Variants in NBPF14 observed in about 807,000 individuals in gnomAD.
NBPF14 encodes NBPF family member NBPF14.
In NBPF14, 104 loss-of-function variants were observed where a neutral mutation model predicts 91.2. The observed-to-expected ratio is 1.14, with a 90% CI of 0.97 to 1.34. The LOEUF (loss-of-function observed/expected upper bound fraction) is 1.34. Among genes scored for constraint, NBPF14 ranks in the 40% most tolerant of loss-of-function variants. NBPF14 has a pLI of 0.00. For synonymous variants in NBPF14, 294 were observed against 303.8 expected, an observed-to-expected ratio of 0.97 and a Z score of 0.34; for missense variants, 908 against 783.0, an observed-to-expected ratio of 1.16 and a Z score of -1.91.
At chr1:148,557,133 C>A (rs1656740301) in intron 40 of NBPF14, among the ~76,000 whole-genome samples, 3 of 122,554 alleles carry the variant, frequency 2.4e-5, no homozygotes, top group South Asian at 3.0e-4. Flanking sequence ...AGGTGACACA[C>A]TGATGAGGGA....
At chr1:148,584,891 T>G (rs1661256748) in intron 10 of NBPF14, among the ~76,000 whole-genome samples, 1 of 139,424 alleles carries the variant, frequency 7.2e-6, no homozygotes, top group African/African-American at 2.6e-5. Context: ...CTGCTGTTCA[T>G]TGCACTGGAC....
intron 68 of NBPF14, among the ~76,000 whole-genome samples, chr1:148,535,107 C>A (rs1419496284): frequency 6.8e-6 from 1 of 146,170 alleles, no homozygotes; most frequent in African/African-American, 2.6e-5. Flanking sequence ...GGGTGACACA[C>A]TGATGAAGGG....
chr1:148,534,464 C>G (rs1320181400), intron 69 of NBPF14, among the ~76,000 whole-genome samples: 2 of 151,702 alleles, frequency 1.3e-5, no homozygotes, highest in Non-Finnish European at 2.9e-5. Context: ...CAGGGCGCCA[C>G]AGGTATGGCC....
chr1:148,590,081 C>T (rs1448058752), intron 6 of NBPF14, among the ~76,000 whole-genome samples: 2 of 124,312 alleles, frequency 1.6e-5, no homozygotes, highest in Non-Finnish European at 3.4e-5. Flanking sequence ...TGGAGTCTCG[C>T]TCTGTCTCCC....
At chr1:148,566,451 T>C (rs1483422683) in intron 28 of NBPF14, 136 bp from the exon 29 acceptor site, 1 of 601,246 alleles carries the variant, frequency 1.7e-6, no homozygotes, top group Non-Finnish European at 2.9e-6. Flanking sequence ...TAACAAATTG[T>C]TGCCTTCATG....
chr1:148,576,228 A>T (rs1478778429), intron 16 of NBPF14, among the ~76,000 whole-genome samples, 182 bp downstream of exon 16: 1 of 121,642 alleles, frequency 8.2e-6, no homozygotes, highest in East Asian at 2.5e-4. Flanking sequence ...AAGTGAGTAA[A>T]TGATAAGGGG....
At chr1:148,577,146 C>G in intron 15 of NBPF14, 37 bp downstream of exon 15, 1 of 612,824 alleles carries the variant, frequency 1.6e-6, no homozygotes, top group Non-Finnish European at 2.9e-6. Context: ...CCAGAAGACT[C>G]AGTGGATCCT....
chr1:148,577,453 A>G (rs878974719), intron 14 of NBPF14, 98 bp from the exon 15 acceptor site: 1 of 679,662 alleles, frequency 1.5e-6, no homozygotes, highest in South Asian at 1.7e-5. Context: ...GAGTTTGAAA[A>G]GAAAAAGGAC....
At chr1:148,533,840 T>G (rs1399920596) in intron 70 of NBPF14, 21 bp downstream of exon 70, 1 of 766,140 alleles carries the variant, frequency 1.3e-6, no homozygotes, top group Non-Finnish European at 2.4e-6. Context: ...GAACTAAGGA[T>G]CCACAATTGC....
At position 148,576,260 on chromosome 1, in the gene NBPF14, C is replaced by G. The variant is rs1169884231; in HGVS notation, c.2078+150G>C. The G allele has an allele frequency of 1.0e-4, 58 of 570,622 alleles. 1 individual carries two copies. The highest frequency in any genetic ancestry group is 1.6e-4 in the Non-Finnish European group (51 of 325,880). 35.3% of individuals were successfully genotyped at this position (570,622 alleles called of 1,614,324 possible). ...GGGGAGGAAGAAATGGAAACCTAAG[C>G]ATCTACTGCAATGAAAACCAACAGC... On this transcript the variant is annotated intron_variant, in intron 16 of 70. Coordinates refer to ENST00000619423, the Ensembl canonical transcript of NBPF14.
rs878916373 is a variant in NBPF14 at position 148,577,483 on chromosome 1, C to G, written c.1854-128G>C. On this transcript the variant is annotated intron_variant, in intron 14 of 70. Transcript: ENST00000619423. ...AAGGACAGATCCATTAATGAGGTAACAAATTATTGCCTTTATGTTGGGATA... is the reference window on the plus strand; with the variant it reads ...AAGGACAGATCCATTAATGAGGTAAGAAATTATTGCCTTTATGTTGGGATA... 18 of 697,480 alleles carry G rather than the reference C, an allele frequency of 2.6e-5. 1 individual carries two copies. Among genetic ancestry groups the G allele is most frequent in the South Asian group, 1.1e-4 (7 of 65,796 alleles). 43.2% of individuals were successfully genotyped at this position (697,480 alleles called of 1,614,324 possible).
chr1:148,541,585 C>A, intron 60 of NBPF14, 146 bp downstream of exon 60: 1 of 5,856 alleles, frequency 1.7e-4, no homozygotes, highest in Non-Finnish European at 2.7e-4. Context: ...ACCTAAACAT[C>A]TACTGCAATG....
intron 9 of NBPF14, among the ~76,000 whole-genome samples, chr1:148,585,620 C>T (rs1661389237): frequency 6.7e-6 from 1 of 149,324 alleles, no homozygotes; most frequent in Non-Finnish European, 1.5e-5. Flanking sequence ...GTCCTCTATG[C>T]ATCAGAAGAT....
In NBPF14 at chr1:148,559,343, T is replaced by A. The variant is rs1212832064; in HGVS notation, c.4730-271A>T. On this transcript the variant is annotated intron_variant, in intron 37 of 70. Transcript: ENST00000619423. Reference sequence around the variant, plus strand: ...TTTGTGCAAATGGTTATGCCATATTTTTCCAATCGATTTAAAGCAATTGCC... The same window carrying A: ...TTTGTGCAAATGGTTATGCCATATTATTCCAATCGATTTAAAGCAATTGCC... Among the ~76,000 whole-genome samples, 21 of 128,494 alleles carry A rather than the reference T, an allele frequency of 1.6e-4. 2 individuals are homozygous for A. The highest frequency in any genetic ancestry group is 2.3e-4 in the Non-Finnish European group (15 of 65,822). The allele number at this position is 128,494 out of a possible 152,430, so 84.3% of individuals were successfully genotyped here.
chr1:148,535,143 C>T (rs1385500466), intron 68 of NBPF14, among the ~76,000 whole-genome samples: 1 of 148,080 alleles, frequency 6.8e-6, no homozygotes, highest in African/African-American at 2.6e-5. Context: ...GAGTTAGTGC[C>T]CTCGGGACAC....
rs1660233736 is a variant in NBPF14, at chr1:148,577,893, A to T, written c.1853+90T>A. 113 of 618,280 alleles carry T rather than the reference A, an allele frequency of 1.8e-4. No individual in the cohort carries two copies. In the South Asian group the frequency reaches 2.1e-3, roughly 11 times the overall value. The allele number at this position is 618,280 out of a possible 1,614,324, so 38.3% of individuals were successfully genotyped here. A position where few individuals can be genotyped will look rare whatever the true frequency, so the allele number is the denominator to read the frequency against. On this transcript the variant is annotated intron_variant, in intron 14 of 70. Transcript: ENST00000619423. ...ATTCAGACTTGTCTGACAAGACAAA[A>T]TCATTATTTTCAGGATGTACTGTTT...
At chr1:148,587,219 C>G in intron 8 of NBPF14, 82 bp downstream of exon 8, 1 of 1,220,992 alleles carries the variant, frequency 8.2e-7, no homozygotes, top group South Asian at 1.2e-5. Flanking sequence ...CCCAGCTGAG[C>G]TCTTACGTCT....
intron 12 of NBPF14, among the ~76,000 whole-genome samples, chr1:148,579,852 G>A (rs1260309667): frequency 1.3e-5 from 2 of 152,120 alleles, no homozygotes; most frequent in Admixed American, 6.5e-5. Flanking sequence ...CTGAAGCTGA[G>A]GGACCTGACT....
At chr1:148,557,059 G>GACAC (rs1227105845) in intron 40 of NBPF14, among the ~76,000 whole-genome samples, 197 bp from the exon 41 acceptor site, 1 of 118,628 alleles carries the variant, frequency 8.4e-6, no homozygotes, top group Non-Finnish European at 1.6e-5. Flanking sequence ...AAGACAGATA[G>GACAC]ACACACACAC....
Sources: gnomAD v4.1 joint callset for allele counts (sites outside exome capture counted in the v4.1 genomes callset) on GRCh38, gnomAD v4.1.1 for gene constraint, MANE v1.5 for transcripts, NCBI Gene and HGNC (gene_info 2026-07-23, HGNC 2026-07-21) for gene names.